Variants in SLIT3 observed in about 807,000 individuals in gnomAD.
SLIT3 encodes slit homolog 3 protein.
In SLIT3, 68 loss-of-function variants were observed where a neutral mutation model predicts 184.0. That is an observed-to-expected ratio of 0.37 (90% CI 0.30 to 0.45). The LOEUF (loss-of-function observed/expected upper bound fraction) is 0.45. Among genes scored for constraint, SLIT3 ranks in the 20% least tolerant of loss-of-function variants. The probability of loss-of-function intolerance (pLI) is 1.00; values close to 1 mark genes in which losing one functional copy is unlikely to be tolerated. For missense variants in SLIT3, 1,707 were observed against 2,026.0 expected, an observed-to-expected ratio of 0.84 and a Z score of 3.02; for synonymous variants, 831 against 828.6, an observed-to-expected ratio of 1.00 and a Z score of -0.05.
At chr5:169,223,997 A>G (rs1479903522) in intron 3 of SLIT3, among the ~76,000 whole-genome samples, 1 of 152,206 alleles carries the variant, frequency 6.6e-6, no homozygotes, top group Non-Finnish European at 1.5e-5. Context: ...CATTGTAATC[A>G]TATCTCGTCT....
intron 6 of SLIT3, among the ~76,000 whole-genome samples, chr5:168,835,662 T>G (rs2113696616): frequency 6.6e-6 from 1 of 151,974 alleles, no homozygotes; most frequent in Middle Eastern, 3.4e-3. Flanking sequence ...TACAAAAAAA[T>G]TAGCCAGACG....
intron 4 of SLIT3, among the ~76,000 whole-genome samples, chr5:169,070,721 T>C (rs924978431): frequency 4.0e-5 from 6 of 151,166 alleles, no homozygotes; most frequent in Admixed American, 3.3e-4. Context: ...ACCACTTGAG[T>C]TCCCAAATCT....
intron 4 of SLIT3, among the ~76,000 whole-genome samples, chr5:168,999,304 A>G (rs757589537): frequency 2.6e-5 from 4 of 152,120 alleles, no homozygotes; most frequent in Non-Finnish European, 2.9e-5. Flanking sequence ...TCAATCCCAG[A>G]TCTGCAGGCA....
intron 4 of SLIT3, among the ~76,000 whole-genome samples, chr5:168,884,562 A>ATATATATATC (rs1760112544): frequency 8.4e-6 from 1 of 118,830 alleles, no homozygotes; most frequent in African/African-American, 3.0e-5. Flanking sequence ...ATATATATAT[A>ATATATATATC]TATATATATA....
At chr5:169,265,636 A>G (rs1325843533) in intron 1 of SLIT3, among the ~76,000 whole-genome samples, 1 of 152,132 alleles carries the variant, frequency 6.6e-6, no homozygotes, top group Non-Finnish European at 1.5e-5. Flanking sequence ...TATTTAACTC[A>G]TCCCTAAGCT....
chr5:169,234,158 A>T (rs1404908167), intron 3 of SLIT3, among the ~76,000 whole-genome samples: 4 of 152,216 alleles, frequency 2.6e-5, no homozygotes, highest in Admixed American at 2.0e-4. Flanking sequence ...GTCACAGCCA[A>T]ATTCAGGTCA....
intron 4 of SLIT3, among the ~76,000 whole-genome samples, chr5:169,061,715 A>G (rs1357141055): frequency 6.6e-6 from 1 of 152,250 alleles, no homozygotes; most frequent in Non-Finnish European, 1.5e-5. Context: ...GGCCTGGACT[A>G]GGACAACGAT....
intron 4 of SLIT3, among the ~76,000 whole-genome samples, chr5:168,966,788 C>T (rs1195321750): frequency 6.6e-6 from 1 of 152,124 alleles, no homozygotes; most frequent in African/African-American, 2.4e-5. Flanking sequence ...ACAGCATCTA[C>T]CATTTTGTTA....
intron 1 of SLIT3, among the ~76,000 whole-genome samples, chr5:169,285,219 G>A (rs1242787244): frequency 6.6e-6 from 1 of 152,158 alleles, no homozygotes; most frequent in East Asian, 1.9e-4. Flanking sequence ...ACCTGGGCCT[G>A]AATACAGATT....
chr5:169,134,614 G>T (rs1360716326), intron 4 of SLIT3, among the ~76,000 whole-genome samples: 1 of 152,166 alleles, frequency 6.6e-6, no homozygotes, highest in African/African-American at 2.4e-5. Context: ...GCTGGGGGCT[G>T]GGGGAGGGAT....
intron 12 of SLIT3, among the ~76,000 whole-genome samples, chr5:168,783,347 A>G (rs1756038429): frequency 6.6e-6 from 1 of 152,128 alleles, no homozygotes; most frequent in Admixed American, 6.5e-5. Flanking sequence ...CACACCGAGA[A>G]AAGCTCCCAG....
intron 4 of SLIT3, among the ~76,000 whole-genome samples, chr5:169,084,793 C>G (rs537737145): frequency 6.6e-6 from 1 of 152,280 alleles, no homozygotes; most frequent in African/African-American, 2.4e-5. Context: ...TAGGTTGTAC[C>G]TGCTGAGGGG....
At chr5:168,812,297 G>GT (rs1757184418) in intron 8 of SLIT3, among the ~76,000 whole-genome samples, 1 of 152,266 alleles carries the variant, frequency 6.6e-6, no homozygotes, top group East Asian at 1.9e-4. Flanking sequence ...GCCCAGTAGG[G>GT]TGACTACAGT....
intron 1 of SLIT3, among the ~76,000 whole-genome samples, chr5:169,263,015 C>A (rs1272497219): frequency 2.0e-5 from 3 of 152,134 alleles, no homozygotes; most frequent in African/African-American, 7.2e-5. Flanking sequence ...TTAGGGTGGA[C>A]CCTAATCCAA....
intron 4 of SLIT3, among the ~76,000 whole-genome samples, chr5:169,173,420 G>A (rs2113422529): frequency 6.6e-6 from 1 of 152,288 alleles, no homozygotes; most frequent in East Asian, 1.9e-4. Flanking sequence ...AAAGCGGGAG[G>A]AGAAGGAAGA....
chr5:169,005,040 G>C (rs1334939164), intron 4 of SLIT3, among the ~76,000 whole-genome samples: 1 of 152,168 alleles, frequency 6.6e-6, no homozygotes, highest in African/African-American at 2.4e-5. Flanking sequence ...AAGTCTATTG[G>C]TGTCATGTTT....
At chr5:169,131,243 T>C (rs1418255603) in intron 4 of SLIT3, among the ~76,000 whole-genome samples, 1 of 152,254 alleles carries the variant, frequency 6.6e-6, no homozygotes, top group Non-Finnish European at 1.5e-5. Context: ...TGGGGATTAC[T>C]GATTGTAAAT....
chr5:168,816,859 C>G (rs1158369211), intron 8 of SLIT3, among the ~76,000 whole-genome samples: 6 of 152,170 alleles, frequency 3.9e-5, no homozygotes, highest in African/African-American at 1.4e-4. Flanking sequence ...AAGTCACACA[C>G]CACTAAGGGA....
intron 4 of SLIT3, among the ~76,000 whole-genome samples, chr5:168,890,763 T>C (rs749680338): frequency 2.0e-5 from 3 of 152,216 alleles, no homozygotes; most frequent in Non-Finnish European, 4.4e-5. Flanking sequence ...GGGAGTTTCA[T>C]TTATCATCTG....
Sources: allele counts gnomAD v4.1 joint callset (sites outside exome capture counted in the v4.1 genomes callset), GRCh38; gene constraint gnomAD v4.1.1; transcripts MANE v1.5; gene names NCBI Gene and HGNC (gene_info 2026-07-23, HGNC 2026-07-21).